ARHGEF7: variants seen among roughly 807,000 people sequenced by gnomAD.
The protein encoded by ARHGEF7 is Rho guanine nucleotide exchange factor 7, also known as PAK-interacting exchange factor beta.
A neutral mutation model predicts 109.8 loss-of-function variants in ARHGEF7; 33 were observed. The observed-to-expected ratio is 0.30, with a 90% confidence interval of 0.23 to 0.40. ARHGEF7 has a LOEUF of 0.40. ARHGEF7 is among the 10% of genes least tolerant of loss of function. The probability of loss-of-function intolerance (pLI) is 1.00; values close to 1 mark genes in which losing one functional copy is unlikely to be tolerated. For missense variants in ARHGEF7, 938 were observed against 1,098.5 expected (o/e 0.85, Z 2.07); for synonymous variants, 458 against 424.6 (o/e 1.08, Z -0.97).
chr13:111,161,648 G>A (rs1389393963), intron 2 of ARHGEF7, among the ~76,000 whole-genome samples: 1 of 152,050 alleles, frequency 6.6e-6, no homozygotes, highest in Non-Finnish European at 1.5e-5. Context: ...TTTTTAAACT[G>A]CAGTAAATAG....
intron 1 of ARHGEF7, among the ~76,000 whole-genome samples, chr13:111,149,027 G>T (rs1022583188): frequency 6.6e-6 from 1 of 152,128 alleles, no homozygotes; most frequent in Admixed American, 6.5e-5. Context: ...AACAAGCGAT[G>T]CTGGGCCATA....
At position 111,273,042 on chromosome 13, in the gene ARHGEF7, A is replaced by G. The variant is rs1421814285; in HGVS notation, c.1074-772A>G. On this transcript the variant is annotated intron_variant, in intron 9 of 21. Coordinates refer to ENST00000646102, the MANE Select transcript of ARHGEF7 (RefSeq NM_001354046.2). The surrounding 1 kb of genome is among the most constrained non-coding windows in gnomAD (Gnocchi z 4.5). ...TTGAAGAGGAATACAGAAAGTTCTAAAACTTGTTTCTGACTCTTTAATTTT... is the reference window on the plus strand; with the variant it reads ...TTGAAGAGGAATACAGAAAGTTCTAGAACTTGTTTCTGACTCTTTAATTTT... Among the ~76,000 whole-genome samples, 1 of 152,158 alleles carries G rather than the reference A, an allele frequency of 6.6e-6. No homozygotes were observed. The highest frequency in any genetic ancestry group is 1.5e-5 in the Non-Finnish European group (1 of 68,034).
chr13:111,206,455 A>G (rs1053286908), intron 3 of ARHGEF7, among the ~76,000 whole-genome samples: 1 of 152,170 alleles, frequency 6.6e-6, no homozygotes, highest in Non-Finnish European at 1.5e-5. Context: ...CCCTGGGAGC[A>G]GGGGCAGACC....
chr13:111,289,931 T>A (rs955871301), intron 18 of ARHGEF7, among the ~76,000 whole-genome samples: 1 of 152,226 alleles, frequency 6.6e-6, no homozygotes, highest in Non-Finnish European at 1.5e-5. Context: ...TTGTAGTGAC[T>A]GCTTATCAGA....
chr13:111,265,892 G>C (rs1017057799), intron 8 of ARHGEF7, among the ~76,000 whole-genome samples: 3 of 152,164 alleles, frequency 2.0e-5, no homozygotes, highest in Admixed American at 6.5e-5. Context: ...GTGCATTTCT[G>C]TTGTTGGAAA....
intron 5 of ARHGEF7, among the ~76,000 whole-genome samples, chr13:111,229,497 G>A (rs778631249): frequency 3.9e-5 from 6 of 152,028 alleles, no homozygotes; most frequent in African/African-American, 1.2e-4. Flanking sequence ...TTTATTCGTC[G>A]TGATTGGTCC....
intron 4 of ARHGEF7, among the ~76,000 whole-genome samples, chr13:111,213,410 G>A (rs1420895035): frequency 1.3e-5 from 2 of 152,184 alleles, no homozygotes; most frequent in Non-Finnish European, 2.9e-5. Context: ...ACAGCGTGAT[G>A]TATTGCATGA....
chr13:111,243,959 A>G lies in ARHGEF7; in HGVS notation c.847A>G (p.Ser283Gly). ...LSTYLRPLQT[S>G]EKLSSANISY... ...AACGTACCTACGGCCATTGCAGACCAGTGAGAAGTAAGTTAGATGATAAAT... is the reference window on the plus strand; with the variant it reads ...AACGTACCTACGGCCATTGCAGACCGGTGAGAAGTAAGTTAGATGATAAAT... The change falls in exon 7 of 22, where the codon AGT becomes GGT. Residue 283 changes from serine (S) to glycine (G), a missense_variant. Ser to Gly is a moderately conservative substitution (Grantham distance 56). Transcript: ENST00000646102. 6.2e-7 allele frequency: 1 copy of G among 1,609,336 alleles called. No individual in the cohort carries two copies. The highest frequency in any genetic ancestry group is 2.2e-5 in the East Asian group (1 of 44,820).
At chr13:111,163,897 G>T (rs117212054) in intron 2 of ARHGEF7, among the ~76,000 whole-genome samples, 2,227 of 152,214 alleles carry the variant, frequency 0.015, 30 homozygotes, top group East Asian at 0.057. Flanking sequence ...ATTTCAACAT[G>T]TAATTGATAC....
In ARHGEF7 at chr13:111,255,119, C is replaced by T. The variant is rs867911656; in HGVS notation, c.950+10825C>T. Reference sequence around the variant, plus strand: ...GCCCAGAAGAGGATTCGGGCTAAGGCGCTGAGTCGCTAACGTGAAGGCCGG... The same window carrying T: ...GCCCAGAAGAGGATTCGGGCTAAGGTGCTGAGTCGCTAACGTGAAGGCCGG... On this transcript the variant is annotated intron_variant, in intron 8 of 21. Coordinates refer to ENST00000646102, the MANE Select transcript of ARHGEF7 (RefSeq NM_001354046.2). This position sits in a 1 kb window ranked among gnomAD's most constrained non-coding sequence, Gnocchi z 4.1. 3.1e-3 allele frequency among the ~76,000 whole-genome samples: 180 copies of T among 58,478 alleles called. 1 individual carries two copies. Among genetic ancestry groups the T allele is most frequent in the African/African-American group, 0.014 (165 of 11,840 alleles). 38.4% of individuals were successfully genotyped at this position (58,478 alleles called of 152,430 possible). A position where few individuals can be genotyped will look rare whatever the true frequency, so the allele number is the denominator to read the frequency against.
chr13:111,118,695 A>G (rs1434156221), intron 1 of ARHGEF7, among the ~76,000 whole-genome samples: 1 of 152,238 alleles, frequency 6.6e-6, no homozygotes, highest in African/African-American at 2.4e-5. Flanking sequence ...ATCAAGATAC[A>G]TGAATTGTAG....
chr13:111,217,670 C>A lies in ARHGEF7; in HGVS notation c.469-9C>A. 1 of 1,611,514 alleles carries A rather than the reference C, an allele frequency of 6.2e-7. No individual in the cohort carries two copies. Among genetic ancestry groups the A allele is most frequent in the Non-Finnish European group, 8.5e-7 (1 of 1,177,678 alleles). On this transcript the variant is annotated splice_polypyrimidine_tract_variant and intron_variant, in intron 4 of 21. Transcript: ENST00000646102. ...TATAATTTTTCTCCCACTCTTCTTC[C>A]CCTTTTAGGACATGACCGATAATAG...
chr13:111,297,133 C>A (rs772627906), intron 19 of ARHGEF7, among the ~76,000 whole-genome samples: 9 of 152,196 alleles, frequency 5.9e-5, no homozygotes, highest in Non-Finnish European at 8.8e-5. Flanking sequence ...AGTCAACTTA[C>A]GTAAACCTGG....
intron 6 of ARHGEF7, among the ~76,000 whole-genome samples, chr13:111,237,409 T>G (rs1469559156): frequency 6.6e-6 from 1 of 152,210 alleles, no homozygotes; most frequent in Non-Finnish European, 1.5e-5. Flanking sequence ...AGAGAGAATC[T>G]TTAGTTCTAA....
intron 19 of ARHGEF7, chr13:111,293,202 C>T: frequency 1.0e-6 from 1 of 985,378 alleles, no homozygotes; most frequent in Non-Finnish European, 1.2e-6. Flanking sequence ...GTAGTAGAGG[C>T]ATTTGGAATA....
At chr13:111,241,467 TGCA>T in intron 6 of ARHGEF7, 1 of 912,688 alleles carries the variant, frequency 1.1e-6, no homozygotes, top group Non-Finnish European at 1.6e-6. Context: ...AAGTGTAACT[TGCA>T]TTGTTTGGTT....
At chr13:111,203,172 T>TA (rs2081383466) in intron 2 of ARHGEF7, 3 of 1,150,912 alleles carry the variant, frequency 2.6e-6, no homozygotes, top group East Asian at 6.0e-5. Context: ...ATTGACAAAA[T>TA]AAAAAATGAC....
intron 1 of ARHGEF7, among the ~76,000 whole-genome samples, chr13:111,118,515 C>T (rs9555772): frequency 6.6e-6 from 1 of 152,078 alleles, no homozygotes; most frequent in Non-Finnish European, 1.5e-5. Context: ...GGAGATCCTG[C>T]ACTTTGGTTT....
At chr13:111,164,048 G>A (rs113353432) in intron 2 of ARHGEF7, among the ~76,000 whole-genome samples, 56 of 147,670 alleles carry the variant, frequency 3.8e-4, no homozygotes, top group African/African-American at 1.2e-3. Flanking sequence ...CCCGTATTGC[G>A]TGTTGCGTTT....
Sources: allele counts gnomAD v4.1 joint callset (sites outside exome capture counted in the v4.1 genomes callset), GRCh38; gene constraint gnomAD v4.1.1; non-coding constraint Gnocchi (gnomAD v3.1); transcripts MANE v1.5; gene names NCBI Gene and HGNC (gene_info 2026-07-23, HGNC 2026-07-21).